Variants in KPNA5 observed in about 807,000 individuals in gnomAD.
The protein encoded by KPNA5 is importin subunit alpha-6.
In KPNA5, 46 loss-of-function variants were observed where a neutral mutation model predicts 71.3. That is an observed-to-expected ratio of 0.65 (90% confidence interval 0.51 to 0.83). The LOEUF is 0.83. Ranked by LOEUF, KPNA5 falls within the 40% of genes least tolerant of loss-of-function variation. KPNA5 has a pLI of 0.00. For synonymous variants in KPNA5, 207 were observed against 201.4 expected (o/e 1.03, Z -0.24); for missense variants, 547 against 628.3 (o/e 0.87, Z 1.38).
At chr6:116,722,318 TTGTA>T in intron 9 of KPNA5, 29 bp downstream of exon 9, 1 of 1,519,348 alleles carries the variant, frequency 6.6e-7, no homozygotes, top group Non-Finnish European at 9.0e-7. Flanking sequence ...TGCTTAATAA[TTGTA>T]TGATTGAGAT....
intron 4 of KPNA5, among the ~76,000 whole-genome samples, chr6:116,698,162 A>G (rs1385976967): frequency 6.6e-6 from 1 of 152,002 alleles, no homozygotes; most frequent in African/African-American, 2.4e-5. Context: ...GATTTTATAT[A>G]AGCTTCCTAG....
chr6:116,722,643 A>G (rs1779153224), intron 9 of KPNA5, among the ~76,000 whole-genome samples: 1 of 152,220 alleles, frequency 6.6e-6, no homozygotes, highest in African/African-American at 2.4e-5. Flanking sequence ...AGAACAAATA[A>G]TCTAGTTTAT....
Position 116,702,035 on chromosome 6 carries a change from C to T in KPNA5, c.452C>T (p.Ala151Val), listed in dbSNP as rs764353470. The T allele has an allele frequency of 6.2e-7, 1 of 1,612,422 alleles. No individual in the cohort carries two copies. Among genetic ancestry groups the T allele is most frequent in the Non-Finnish European group, 8.5e-7 (1 of 1,179,574 alleles). The stretch of plus-strand genomic sequence containing the variant: ...TCTTCTTAGTTTGAAGCTGCATGGG[C>T]ATTAACAAATATAGCATCTGGAACT... ...NCTLQFEAAW[A>V]LTNIASGTFL... The change falls in exon 6 of 14, where the codon GCA becomes GTA. Residue 151 changes from alanine to valine, a missense_variant. Transcript: ENST00000368564.
At chr6:116,693,375 C>T (rs908941253) in intron 4 of KPNA5, among the ~76,000 whole-genome samples, 4 of 152,208 alleles carry the variant, frequency 2.6e-5, no homozygotes, top group African/African-American at 9.6e-5. Flanking sequence ...GTTCCTATTT[C>T]TCCACATCCT....
Position 116,691,977 on chromosome 6 carries a change from A to G in KPNA5, c.139-78A>G, listed in dbSNP as rs530499594. Reference sequence around the variant, plus strand: ...TTGATAGGTTTCTTTTGTCCACTCAAATGAAAACATGGAATTCTATGGCAA... The same window carrying G: ...TTGATAGGTTTCTTTTGTCCACTCAGATGAAAACATGGAATTCTATGGCAA... On this transcript the variant is annotated intron_variant, in intron 2 of 13. Transcript: ENST00000368564. 337 of 919,548 alleles carry G rather than the reference A, an allele frequency of 3.7e-4. 1 individual carries two copies. In the Middle Eastern group the frequency reaches 7.1e-3, roughly 20 times the overall value. 57.0% of individuals were successfully genotyped at this position (919,548 alleles called of 1,614,324 possible). A position where few individuals can be genotyped will look rare whatever the true frequency, so the allele number is the denominator to read the frequency against.
intron 6 of KPNA5, among the ~76,000 whole-genome samples, chr6:116,704,553 T>C (rs987933091): frequency 6.6e-6 from 1 of 152,242 alleles, no homozygotes; most frequent in African/African-American, 2.4e-5. Flanking sequence ...ACTATGCTCT[T>C]TGTTGAACAG....
intron 7 of KPNA5, among the ~76,000 whole-genome samples, chr6:116,714,882 C>T (rs986842123): frequency 2.6e-5 from 4 of 152,150 alleles, no homozygotes; most frequent in Non-Finnish European, 5.9e-5. Context: ...AAGTTCTGCT[C>T]TACTCCTTCC....
At position 116,732,947 on chromosome 6, in the gene KPNA5, A is replaced by G. The variant is rs987357859; in HGVS notation, c.*624A>G. The G allele has an allele frequency of 1.3e-5, 2 of 151,922 alleles. No homozygotes were observed. The highest frequency in any genetic ancestry group is 4.8e-5 in the African/African-American group (2 of 41,446). The allele number at this position is 151,922 out of a possible 1,614,324, so 9.4% of individuals were successfully genotyped here. A position where few individuals can be genotyped will look rare whatever the true frequency, so the allele number is the denominator to read the frequency against. On this transcript the variant is annotated 3_prime_UTR_variant, in exon 14 of 14. Transcript: ENST00000368564. ...AGAAGAAATATTATACTGATAATCC[A>G]TTAAAATGTGGCAATTGTGAAGGGA...
At chr6:116,706,125 A>C (rs1261794893) in intron 7 of KPNA5, among the ~76,000 whole-genome samples, 1 of 152,196 alleles carries the variant, frequency 6.6e-6, no homozygotes, top group Middle Eastern at 3.2e-3. Context: ...ACTATTAAAA[A>C]CATCTCTTAA....
At chr6:116,691,970 C>G in intron 2 of KPNA5, 85 bp from the exon 3 acceptor site, 1 of 829,618 alleles carries the variant, frequency 1.2e-6, no homozygotes, top group Non-Finnish European at 2.0e-6. Context: ...TTTCTTTTGT[C>G]CACTCAAATG....
intron 7 of KPNA5, among the ~76,000 whole-genome samples, chr6:116,712,577 A>T (rs1778740764): frequency 6.6e-6 from 1 of 152,106 alleles, no homozygotes; most frequent in Non-Finnish European, 1.5e-5. Flanking sequence ...AGTTTAATTC[A>T]TTTACATTTA....
intron 12 of KPNA5, among the ~76,000 whole-genome samples, chr6:116,727,863 C>T (rs576302430): frequency 4.6e-5 from 7 of 152,190 alleles, no homozygotes; most frequent in East Asian, 1.9e-4. Flanking sequence ...TCTACAGAAT[C>T]GTCTTGTTCG....
At chr6:116,721,930 T>C (rs955648783) in intron 8 of KPNA5, among the ~76,000 whole-genome samples, 196 bp from the exon 9 acceptor site, 1 of 152,178 alleles carries the variant, frequency 6.6e-6, no homozygotes, top group South Asian at 2.1e-4. Flanking sequence ...TAACTACATA[T>C]CTTATTCAAT....
In KPNA5 at chr6:116,732,074, T is replaced by TTTTATATATATATATATA. The variant is rs1463339776; in HGVS notation, c.1433-61_1433-60insTTATATATATATATATAT. 228 of 67,720 alleles carry TTTTATATATATATATATA rather than the reference T, an allele frequency of 3.4e-3. 22 individuals are homozygous for TTTTATATATATATATATA. The highest frequency in any genetic ancestry group is 4.6e-3 in the Non-Finnish European group (150 of 32,386). The allele number at this position is 67,720 out of a possible 1,614,324, so 4.2% of individuals were successfully genotyped here. A position where few individuals can be genotyped will look rare whatever the true frequency, so the allele number is the denominator to read the frequency against. ...TACTGAAATTGTAGTAACAGTTTGT[T>TTTTATATATATATATATA]TATATATATATATATATATATATAT... On this transcript the variant is annotated intron_variant, in intron 13 of 13. Transcript: ENST00000368564.
intron 12 of KPNA5, among the ~76,000 whole-genome samples, chr6:116,728,303 G>T (rs1402986812): frequency 6.6e-6 from 1 of 151,842 alleles, no homozygotes; most frequent in East Asian, 1.9e-4. Flanking sequence ...TATCTATTCT[G>T]TATATTATTG....
intron 13 of KPNA5, 40 bp from the exon 14 acceptor site, chr6:116,732,096 A>ATATATATATG (rs765594541): frequency 1.0e-5 from 1 of 100,336 alleles, no homozygotes; most frequent in African/African-American, 4.6e-5. Flanking sequence ...ATATATATAT[A>ATATATATATG]TATATATATA....
At chr6:116,709,197 T>C (rs1778558444) in intron 7 of KPNA5, among the ~76,000 whole-genome samples, 1 of 152,204 alleles carries the variant, frequency 6.6e-6, no homozygotes, top group African/African-American at 2.4e-5. Flanking sequence ...GTCAATAATG[T>C]TAGTTTCATT....
intron 13 of KPNA5, among the ~76,000 whole-genome samples, chr6:116,731,006 C>T (rs1269760204): frequency 6.6e-6 from 1 of 151,484 alleles, no homozygotes; most frequent in Non-Finnish European, 1.5e-5. Flanking sequence ...GTTTAAATAA[C>T]TCAGTCTAAT....
Position 116,726,551 on chromosome 6 carries a change from G to A in KPNA5, c.1182G>A (p.Glu394=). 6.2e-7 allele frequency: 1 copy of A among 1,612,482 alleles called. No homozygotes were observed. The highest frequency in any genetic ancestry group is 1.3e-5 in the African/African-American group (1 of 74,960). The change falls in exon 12 of 14, where the codon GAG becomes GAA. Residue 394 remains glutamate (E), a synonymous_variant. Transcript: ENST00000368564. ...TGATTGAGATTCTTCAGAAAGCAGA[G>A]TTTCGTACCAGAAAAGAAGCAGCTT... is the stretch of plus-strand genomic sequence containing the variant. The part of the protein sequence containing the change: ...PVLIEILQKA[E]FRTRKEAAWA...
Sources: allele counts gnomAD v4.1 joint callset (sites outside exome capture counted in the v4.1 genomes callset), GRCh38; gene constraint gnomAD v4.1.1; transcripts MANE v1.5; gene names NCBI Gene and HGNC (gene_info 2026-07-23, HGNC 2026-07-21).